The following OR10G4 variants were observed in gnomAD, a reference collection of about 807,000 sequenced individuals.
OR10G4 encodes olfactory receptor family 10 subfamily G member 4.
For missense variants in OR10G4, 318 were observed against 388.8 expected (o/e 0.82, Z 1.53); for synonymous variants, 130 against 159.3 (o/e 0.82, Z 1.39).
chr11:124,016,759 A>G lies in OR10G4; in HGVS notation c.*249A>G. Reference sequence around the variant, plus strand: ...AATAGGTTTATATTAAGTTTAAAACATATTTTAATCAAATCTCAGGGATAG... The same window carrying G: ...AATAGGTTTATATTAAGTTTAAAACGTATTTTAATCAAATCTCAGGGATAG... On this transcript the variant is annotated 3_prime_UTR_variant, in exon 2 of 2. Coordinates refer to ENST00000641722, the MANE Select transcript of OR10G4 (RefSeq NM_001004462.2). 1 of 303,808 alleles carries G rather than the reference A, an allele frequency of 3.3e-6. No individual in the cohort carries two copies. The highest frequency in any genetic ancestry group is 6.0e-6 in the Non-Finnish European group (1 of 165,612). The allele number at this position is 303,808 out of a possible 1,614,324, so 18.8% of individuals were successfully genotyped here.
Position 124,016,175 on chromosome 11 carries a change from G to T in OR10G4, c.601G>T (p.Asp201Tyr). 1.2e-6 allele frequency: 2 copies of T among 1,614,202 alleles called. No homozygotes were observed. The highest frequency in any genetic ancestry group is 2.2e-5 in the East Asian group (1 of 44,870). The change falls in exon 2 of 2, where the codon GAC (aspartate) becomes TAC (tyrosine). Residue 201 changes from aspartate (D) to tyrosine (Y), a missense_variant. Transcript: ENST00000641722. ...AGCCAACGTGATGGTCATCTTTGTG[G>T]ACATTGGGATAGTGGCCTCAGGCTG... is the stretch of plus-strand genomic sequence containing the variant. ...TSANVMVIFV[D>Y]IGIVASGCFV...
chr11:124,013,462 A>G (rs1218237731), intron 1 of OR10G4, among the ~76,000 whole-genome samples: 1 of 152,176 alleles, frequency 6.6e-6, no homozygotes, highest in Non-Finnish European at 1.5e-5. Context: ...TCAGAGTTAT[A>G]GGTTCTATTT....
chr11:124,013,791 T>C (rs1362399594), intron 1 of OR10G4, among the ~76,000 whole-genome samples: 2 of 152,234 alleles, frequency 1.3e-5, no homozygotes, highest in Non-Finnish European at 2.9e-5. Flanking sequence ...CGCCAATATA[T>C]ATCCTTCCTC....
rs1282144004 is a variant in OR10G4, at chr11:124,018,291, T to C, written c.*1781T>C. On this transcript the variant is annotated 3_prime_UTR_variant, in exon 2 of 2. Coordinates refer to ENST00000641722, the MANE Select transcript of OR10G4 (RefSeq NM_001004462.2). ...TAGCAATACATGTGCCATGTTGGTTTGCTGCACCCATCAACTCATCGGTTA... is the reference window on the plus strand; with the variant it reads ...TAGCAATACATGTGCCATGTTGGTTCGCTGCACCCATCAACTCATCGGTTA... 1 of 152,216 alleles carries C rather than the reference T, an allele frequency of 6.6e-6. No homozygotes were observed. The highest frequency in any genetic ancestry group is 1.5e-5 in the Non-Finnish European group (1 of 68,036). The allele number at this position is 152,216 out of a possible 1,614,324, so 9.4% of individuals were successfully genotyped here.
At chr11:124,015,435 G>A (rs1005478807) in intron 1 of OR10G4, 113 bp from the exon 2 acceptor site, 17 of 1,020,072 alleles carry the variant, frequency 1.7e-5, no homozygotes, top group East Asian at 5.1e-5. Context: ...TGTAACAAGC[G>A]AAGTGCAGGA....
At position 124,016,457 on chromosome 11, in the gene OR10G4, A is replaced by G. The variant is rs4936881; in HGVS notation, c.883A>G (p.Lys295Glu). 1.8e-5 allele frequency: 29 copies of G among 1,611,490 alleles called. No individual in the cohort carries two copies. The African/African-American group carries it at 3.3e-4, about 19-fold the overall frequency. Reference sequence around the variant, plus strand: ...GTACACCCTGAGAAACAAGGAGGTGAAGAAAGCTGTGTTGAAACTTAGAGA... The same window carrying G: ...GTACACCCTGAGAAACAAGGAGGTGGAGAAAGCTGTGTTGAAACTTAGAGA... ...VVYTLRNKEV[K>E]KAVLKLRDKV... is the part of the protein sequence containing the mutation. The change falls in exon 2 of 2, where the codon AAG (lysine) becomes GAG (glutamate). Residue 295 changes from lysine (K) to glutamate (E), a missense_variant. By Grantham distance (56) the Lys-to-Glu change is moderately conservative. Coordinates refer to ENST00000641722, the MANE Select transcript of OR10G4 (RefSeq NM_001004462.2).
chr11:124,013,867 A>G (rs954804699), intron 1 of OR10G4, among the ~76,000 whole-genome samples: 1 of 152,166 alleles, frequency 6.6e-6, no homozygotes, highest in Non-Finnish European at 1.5e-5. Context: ...ACTTGAAAGA[A>G]TTGTCTTTTA....
rs1418045730 is a variant in OR10G4 at position 124,018,074 on chromosome 11, A to G, written c.*1564A>G. 2 of 152,242 alleles carry G rather than the reference A, an allele frequency of 1.3e-5. No homozygotes were observed. Among genetic ancestry groups the G allele is most frequent in the Non-Finnish European group, 2.9e-5 (2 of 68,040 alleles). The allele number at this position is 152,242 out of a possible 1,614,324, so 9.4% of individuals were successfully genotyped here. A position where few individuals can be genotyped will look rare whatever the true frequency, so the allele number is the denominator to read the frequency against. ...CTCGATCCTATTTCATACTATACAC[A>G]TAAAAAACTCAATTATAGTAGATAA... On this transcript the variant is annotated 3_prime_UTR_variant, in exon 2 of 2. Transcript: ENST00000641722.
Position 124,015,694 on chromosome 11 carries a change from C to A in OR10G4, c.120C>A (p.Asn40Lys), listed in dbSNP as rs542394318. Residue 40 changes from asparagine (N) to lysine (K), a missense_variant, in exon 2 of 2, where the codon AAC (asparagine) becomes AAA (lysine). Asn to Lys is a moderately conservative substitution (Grantham distance 94). Transcript: ENST00000641722. ...LVVYVLTVLG[N>K]LLILLVIRVD... ...TTTACGTGCTCACTGTGCTGGGGAA[C>A]CTCCTCATCCTGCTGGTGATCAGGG... The A allele has an allele frequency of 1.2e-6, 2 of 1,609,986 alleles. No individual in the cohort carries two copies. Among genetic ancestry groups the A allele is most frequent in the African/African-American group, 2.7e-5 (2 of 74,952 alleles).
rs766598811 is a variant in OR10G4 at position 124,016,055 on chromosome 11, T to C, written c.481T>C (p.Leu161=). Residue 161 remains leucine, a synonymous_variant, in exon 2 of 2, where the codon TTG becomes CTG. Transcript: ENST00000641722. The stretch of plus-strand genomic sequence containing the variant: ...TCTGCACTCTGCTGTCCAGACCATA[T>C]TGACTTTCCATTTGCCCTACTGTGG... ...GSLHSAVQTI[L]TFHLPYCGPN... 9.9e-6 allele frequency: 16 copies of C among 1,613,814 alleles called. No individual in the cohort carries two copies. Among genetic ancestry groups the C allele is most frequent in the Middle Eastern group, 3.3e-4 (2 of 6,078 alleles).
rs777248759 is a variant in OR10G4 at position 124,015,927 on chromosome 11, C to A, written c.353C>A (p.Ser118Tyr). The change falls in exon 2 of 2, where the codon TCC becomes TAC. Residue 118 changes from serine (S) to tyrosine (Y), a missense_variant. Physicochemically the swap from Ser to Tyr is moderately radical, Grantham distance 144. Transcript: ENST00000641722. Reference sequence around the variant, plus strand: ...GAGTGTTTCCTCTACACAGTCATGTCCTATGATCGCTACTTGGCCATCAGT... The same window carrying A: ...GAGTGTTTCCTCTACACAGTCATGTACTATGATCGCTACTTGGCCATCAGT... ...STECFLYTVM[S>Y]YDRYLAISYP... The A allele has an allele frequency of 8.1e-6, 13 of 1,613,752 alleles. No individual in the cohort carries two copies. In the Middle Eastern group the frequency reaches 4.9e-4, roughly 61 times the overall value.
intron 1 of OR10G4, among the ~76,000 whole-genome samples, chr11:124,014,643 G>A (rs190389466): frequency 1.4e-3 from 219 of 152,282 alleles, no homozygotes; most frequent in African/African-American, 5.1e-3. Context: ...ATTTATCAGC[G>A]AGGTGGGTGA....
chr11:124,016,056 T>C lies in OR10G4; in HGVS notation c.482T>C (p.Leu161Ser). Residue 161 changes from leucine (L) to serine (S), a missense_variant, in exon 2 of 2, where the codon TTG becomes TCG. Leu to Ser is a moderately radical substitution (Grantham distance 145). Coordinates refer to ENST00000641722, the MANE Select transcript of OR10G4 (RefSeq NM_001004462.2). Reference sequence around the variant, plus strand: ...CTGCACTCTGCTGTCCAGACCATATTGACTTTCCATTTGCCCTACTGTGGA... The same window carrying C: ...CTGCACTCTGCTGTCCAGACCATATCGACTTTCCATTTGCCCTACTGTGGA... ...GSLHSAVQTILTFHLPYCGPN... is the reference protein window; with the variant it reads ...GSLHSAVQTISTFHLPYCGPN... 1 of 1,613,926 alleles carries C rather than the reference T, an allele frequency of 6.2e-7. No individual in the cohort carries two copies. Among genetic ancestry groups the C allele is most frequent in the South Asian group, 1.1e-5 (1 of 91,074 alleles).
At position 124,016,367 on chromosome 11, in the gene OR10G4, G is replaced by A. The variant is rs748307197; in HGVS notation, c.793G>A (p.Asp265Asn). 6.2e-7 allele frequency: 1 copy of A among 1,614,186 alleles called. No individual in the cohort carries two copies. Among genetic ancestry groups the A allele is most frequent in the South Asian group, 1.1e-5 (1 of 91,088 alleles). The change falls in exon 2 of 2, where the codon GAT becomes AAT. Residue 265 changes from aspartate to asparagine, a missense_variant. Coordinates refer to ENST00000641722, the MANE Select transcript of OR10G4 (RefSeq NM_001004462.2). ...CATTTATCTGAGGCCAGGCTCCATG[G>A]ATGCCATGGATGGAGTTGTGGCCAT... ...VVIYLRPGSMDAMDGVVAIFY... is the reference protein window; with the variant it reads ...VVIYLRPGSMNAMDGVVAIFY...
Position 124,018,361 on chromosome 11 carries a change from C to A in OR10G4, c.*1851C>A, listed in dbSNP as rs1373370514. 4.0e-5 allele frequency: 6 copies of A among 149,274 alleles called. No individual in the cohort carries two copies. The highest frequency in any genetic ancestry group is 8.9e-5 in the Non-Finnish European group (6 of 67,340). The allele number at this position is 149,274 out of a possible 1,614,324, so 9.2% of individuals were successfully genotyped here. Reference sequence around the variant, plus strand: ...TGCTATCCCTCCCCCAGCCCCCCACCCCCCAAAAGGCCCCCTTGTGTGATG... The same window carrying A: ...TGCTATCCCTCCCCCAGCCCCCCACACCCCAAAAGGCCCCCTTGTGTGATG... On this transcript the variant is annotated 3_prime_UTR_variant, in exon 2 of 2. Transcript: ENST00000641722.
chr11:124,014,907 A>T (rs1864001970), intron 1 of OR10G4: 1 of 153,014 alleles, frequency 6.5e-6, no homozygotes, highest in Non-Finnish European at 1.5e-5. Flanking sequence ...CCCAATTACA[A>T]TTATGTTACA....
Position 124,016,507 on chromosome 11 carries a change from A to G in OR10G4, c.933A>G (p.Lys311=). 1 of 1,573,484 alleles carries G rather than the reference A, an allele frequency of 6.4e-7. No individual in the cohort carries two copies. The highest frequency in any genetic ancestry group is 8.6e-7 in the Non-Finnish European group (1 of 1,162,398). ...LRDKVAHPQR[K] ...ACAAAGTAGCACATCCTCAGAGGAA[A>G]TAAATACTAGGAAGTAAATACACTA... The change falls in exon 2 of 2, where the codon AAA becomes AAG. Residue 311 remains lysine (K), a synonymous_variant. Transcript: ENST00000641722.
At position 124,018,213 on chromosome 11, in the gene OR10G4, T is replaced by G. The variant is rs550851080; in HGVS notation, c.*1703T>G. 6.6e-6 allele frequency: 1 copy of G among 152,186 alleles called. No individual in the cohort carries two copies. Among genetic ancestry groups the G allele is most frequent in the Admixed American group, 6.5e-5 (1 of 15,286 alleles). 9.4% of individuals were successfully genotyped at this position (152,186 alleles called of 1,614,324 possible). On this transcript the variant is annotated 3_prime_UTR_variant, in exon 2 of 2. Transcript: ENST00000641722. ...AATACTTTTTTAAATTTATTTTTTATTATTATACTTTAAGTTCTGGCATAC... is the reference window on the plus strand; with the variant it reads ...AATACTTTTTTAAATTTATTTTTTAGTATTATACTTTAAGTTCTGGCATAC...
chr11:124,015,500 T>C, intron 1 of OR10G4, 48 bp from the exon 2 acceptor site: 4 of 1,509,240 alleles, frequency 2.7e-6, no homozygotes, highest in Non-Finnish European at 3.6e-6. Flanking sequence ...GAATGGATTC[T>C]CATTTCTCAA....
Sources: allele counts gnomAD v4.1 joint callset (sites outside exome capture counted in the v4.1 genomes callset), GRCh38; gene constraint gnomAD v4.1.1; transcripts MANE v1.5; gene names NCBI Gene and HGNC (gene_info 2026-07-23, HGNC 2026-07-21).